GCNA: variants seen among roughly 807,000 people sequenced by gnomAD.
GCNA encodes germ cell nuclear acidic peptidase, also known as germ cell nuclear acidic protein.
In GCNA, 3 loss-of-function variants were observed where a neutral mutation model predicts 38.8. The observed-to-expected ratio is 0.08, with a 90% CI of 0.04 to 0.20. GCNA has a LOEUF of 0.20. Ranked by LOEUF, GCNA falls within the 10% of genes least tolerant of loss-of-function variation. GCNA has a pLI of 1.00. For missense variants in GCNA, 446 were observed against 578.6 expected (o/e 0.77, Z 2.35); for synonymous variants, 195 against 240.2 (o/e 0.81, Z 1.74).
intron 2 of GCNA, among the ~76,000 whole-genome samples, chrX:71,584,741 A>G (rs1482652359): frequency 3.6e-5 from 4 of 109,884 alleles, no homozygotes; most frequent in Non-Finnish European, 7.6e-5. Context: ...GGTGGCAGGC[A>G]CCTGTAGTCC....
intron 8 of GCNA, 141 bp downstream of exon 8, chrX:71,604,817 TC>T: frequency 4.7e-6 from 4 of 857,923 alleles, no homozygotes; most frequent in South Asian, 2.7e-5. Flanking sequence ...GAGGCATCCA[TC>T]CCAGTGCAAG....
chrX:71,612,332 T>C, intron 11 of GCNA, 23 bp from the exon 12 acceptor site: 1 of 990,413 alleles, frequency 1.0e-6, no homozygotes, highest in African/African-American at 2.0e-5. Flanking sequence ...AGTGCTCACA[T>C]TTCTTTTCAT....
intron 2 of GCNA, 85 bp downstream of exon 2, chrX:71,580,965 T>C: frequency 1.1e-6 from 1 of 938,034 alleles, no homozygotes; most frequent in East Asian, 3.4e-5. Context: ...GTTTATTTCC[T>C]TTAGTATCTG....
chrX:71,604,119 A>T lies in GCNA; in HGVS notation c.842A>T (p.Asp281Val). ...DSEAPDDSSD[D>V]SEASDDSSDD... ...GAAGCTCCCGACGACAGCAGTGATG[A>T]TTCGGAAGCTTCCGACGACAGCAGT... The change falls in exon 8 of 13, where the codon GAT becomes GTT. Residue 281 changes from aspartate to valine, a missense_variant. By Grantham distance (152) the Asp-to-Val change is radical. This residue lies in a region of GCNA where 28 missense variants were observed against 77.0 expected (regional missense o/e 0.36). Coordinates refer to ENST00000373696, the MANE Select transcript of GCNA (RefSeq NM_052957.5). 1 of 1,204,668 alleles carries T rather than the reference A, an allele frequency of 8.3e-7. No individual in the cohort carries two copies. The highest frequency in any genetic ancestry group is 1.1e-6 in the Non-Finnish European group (1 of 892,570).
At chrX:71,612,658 G>A in intron 12 of GCNA, 99 bp downstream of exon 12, 1 of 910,944 alleles carries the variant, frequency 1.1e-6, no homozygotes, top group Non-Finnish European at 1.5e-6. Context: ...AACTGAAGAG[G>A]AGAACCTCTC....
intron 12 of GCNA, 109 bp downstream of exon 12, chrX:71,612,668 C>A: frequency 1.1e-6 from 1 of 876,170 alleles, no homozygotes; most frequent in Non-Finnish European, 1.6e-6. Context: ...GAGAACCTCT[C>A]TCCTCCTTTC....
chrX:71,585,296 G>A (rs1419285584), intron 2 of GCNA, among the ~76,000 whole-genome samples: 2 of 105,892 alleles, frequency 1.9e-5, no homozygotes, highest in Non-Finnish European at 3.8e-5. Flanking sequence ...CCTGGGCGAC[G>A]GGAGCAAAGC....
At chrX:71,591,274 G>T (rs916944434) in intron 2 of GCNA, among the ~76,000 whole-genome samples, 1 of 111,184 alleles carries the variant, frequency 9.0e-6, no homozygotes, top group African/African-American at 3.3e-5. Context: ...ACCTCAGGTG[G>T]TGCTGCATAA....
chrX:71,603,744 C>T lies in GCNA; in HGVS notation c.467C>T (p.Ser156Leu), dbSNP rs1398059703. ...GCTCCCGACGACAACAGTGATGATT[C>T]GGAAGCTCCTGACGACAACAGTGAT... ...SEAPDDNSDD[S>L]EAPDDNSDDS... The change falls in exon 8 of 13, where the codon TCG becomes TTG. Residue 156 changes from serine (S) to leucine (L), a missense_variant. Around this residue, in one of 7 missense-constraint regions of GCNA, gnomAD observed 118 missense variants for 122.8 expected, o/e 0.96. Coordinates refer to ENST00000373696, the MANE Select transcript of GCNA (RefSeq NM_052957.5). The T allele has an allele frequency of 9.1e-6, 11 of 1,205,229 alleles. No homozygotes were observed. The African/African-American group carries it at 9.2e-5, about 10-fold the overall frequency.
At chrX:71,604,810 G>T in intron 8 of GCNA, 134 bp downstream of exon 8, 1 of 905,609 alleles carries the variant, frequency 1.1e-6, no homozygotes. Context: ...GCCCAAGGAG[G>T]CATCCATCCC....
At chrX:71,579,102 G>A (rs2040525000) in intron 1 of GCNA, among the ~76,000 whole-genome samples, 2 of 108,884 alleles carry the variant, frequency 1.8e-5, no homozygotes, top group Admixed American at 9.6e-5. Flanking sequence ...GGAGCGTGTG[G>A]TGGCGCCAGT....
chrX:71,612,628 T>G, intron 12 of GCNA, 69 bp downstream of exon 12: 2 of 993,497 alleles, frequency 2.0e-6, no homozygotes, highest in Non-Finnish European at 2.8e-6. Flanking sequence ...TCAGTGATTT[T>G]ATAAGTAGAT....
chrX:71,611,213 C>T lies in GCNA; in HGVS notation c.1750+394C>T, dbSNP rs1370910735. On this transcript the variant is annotated intron_variant, in intron 11 of 12. Coordinates refer to ENST00000373696, the MANE Select transcript of GCNA (RefSeq NM_052957.5). ...CTGCTCTGTTTGGTCTCCCATATGC[C>T]ACTACATTGCTTTCCTGCTGAGAAA... is the stretch of plus-strand genomic sequence containing the variant. Among the ~76,000 whole-genome samples the T allele has an allele frequency of 2.7e-5, 3 of 112,147 alleles. No individual in the cohort carries two copies. The Admixed American group carries it at 2.8e-4, about 11-fold the overall frequency.
At chrX:71,583,471 G>A (rs374261431) in intron 2 of GCNA, among the ~76,000 whole-genome samples, 1 of 110,718 alleles carries the variant, frequency 9.0e-6, no homozygotes, top group African/African-American at 3.3e-5. Context: ...TTAAAAAAGC[G>A]GGGGGTGTGG....
At chrX:71,589,522 G>T (rs1318097290) in intron 2 of GCNA, among the ~76,000 whole-genome samples, 1 of 91,001 alleles carries the variant, frequency 1.1e-5, no homozygotes, top group Non-Finnish European at 2.1e-5. Flanking sequence ...CTGGAGTGCG[G>T]TGGTGCAATC....
intron 7 of GCNA, among the ~76,000 whole-genome samples, chrX:71,600,790 A>G (rs2040707429): frequency 8.9e-6 from 1 of 112,480 alleles, no homozygotes; most frequent in Non-Finnish European, 1.9e-5. Flanking sequence ...AGAATGCAGT[A>G]TCTGTCTTCT....
chrX:71,607,497 T>C (rs1321884430), intron 9 of GCNA, among the ~76,000 whole-genome samples: 2 of 112,737 alleles, frequency 1.8e-5, no homozygotes, highest in African/African-American at 6.4e-5. Context: ...CTGGACTTAG[T>C]GGACTGTTCC....
chrX:71,584,217 A>G (rs1283079046), intron 2 of GCNA, among the ~76,000 whole-genome samples: 1 of 111,254 alleles, frequency 9.0e-6, no homozygotes, highest in African/African-American at 3.3e-5. Flanking sequence ...TATGAAGCCA[A>G]TTAAATGCCC....
chrX:71,582,091 T>C (rs181225881), intron 2 of GCNA, among the ~76,000 whole-genome samples: 1 of 108,676 alleles, frequency 9.2e-6, no homozygotes, highest in East Asian at 2.9e-4. Context: ...CTGAGCAAGA[T>C]GATGAAATTC....
Sources: allele counts gnomAD v4.1 joint callset (sites outside exome capture counted in the v4.1 genomes callset), GRCh38; gene constraint gnomAD v4.1.1; regional missense constraint gnomAD v4.1.1; transcripts MANE v1.5; gene names NCBI Gene and HGNC (gene_info 2026-07-23, HGNC 2026-07-21).